CC2D2A: variants seen among roughly 807,000 people sequenced by gnomAD.
CC2D2A encodes the protein coiled-coil and C2 domain containing 2A.
A neutral mutation model predicts 212.9 loss-of-function variants in CC2D2A; 155 were observed. That is an observed-to-expected ratio of 0.73 (90% CI 0.64 to 0.83). The LOEUF is 0.83. CC2D2A is among the 40% of genes least tolerant of loss of function. The probability of loss-of-function intolerance (pLI) is 0.00; values close to 1 mark genes in which losing one functional copy is unlikely to be tolerated. For missense variants in CC2D2A, 1,856 were observed against 1,956.2 expected (o/e 0.95, Z 0.97); for synonymous variants, 667 against 686.5 (o/e 0.97, Z 0.44).
At chr4:15,492,582 C>T in intron 4 of CC2D2A, 1 of 385,958 alleles carries the variant, frequency 2.6e-6, no homozygotes, top group Non-Finnish European at 4.9e-6. Flanking sequence ...AGGCTCCTCC[C>T]TCTTCAGGGG....
intron 3 of CC2D2A, 61 bp from the exon 4 acceptor site, chr4:15,480,643 G>A (rs929154639): frequency 1.3e-6 from 2 of 1,548,876 alleles, no homozygotes; most frequent in Non-Finnish European, 8.7e-7. Context: ...ATCTTCCCAA[G>A]AGAGGAACAG....
chr4:15,576,928 T>C (rs1720440766), intron 29 of CC2D2A, among the ~76,000 whole-genome samples: 1 of 152,250 alleles, frequency 6.6e-6, no homozygotes, highest in South Asian at 2.1e-4. Flanking sequence ...GAGCTGCTTC[T>C]TACAGTGTAT....
At chr4:15,471,250 C>G (rs1316490823) in intron 1 of CC2D2A, among the ~76,000 whole-genome samples, 1 of 152,128 alleles carries the variant, frequency 6.6e-6, no homozygotes. Flanking sequence ...GAAGAAAATA[C>G]TCATGGGTAG....
intron 33 of CC2D2A, among the ~76,000 whole-genome samples, chr4:15,591,241 C>T (rs7684446): frequency 0.45 from 63,519 of 140,052 alleles, 14,199 homozygotes; most frequent in Middle Eastern, 0.58. Flanking sequence ...TTTTTTGAGA[C>T]GGACTTTCAC....
intron 17 of CC2D2A, among the ~76,000 whole-genome samples, chr4:15,546,607 C>T (rs149482723): frequency 1.3e-5 from 2 of 152,314 alleles, no homozygotes; most frequent in Non-Finnish European, 2.9e-5. Context: ...TCCTTGTTTA[C>T]CCTCGCCTAC....
intron 4 of CC2D2A, among the ~76,000 whole-genome samples, chr4:15,493,972 G>A (rs1443244863): frequency 2.0e-5 from 3 of 151,890 alleles, no homozygotes; most frequent in Non-Finnish European, 2.9e-5. Flanking sequence ...CATGAAGCTC[G>A]TTCTGAGACT....
chr4:15,546,735 A>G (rs1389528944), intron 17 of CC2D2A, among the ~76,000 whole-genome samples: 2 of 152,244 alleles, frequency 1.3e-5, no homozygotes, highest in Non-Finnish European at 2.9e-5. Context: ...TGCTGATCCC[A>G]GAAAGCCCTG....
chr4:15,565,915 AGT>A (rs1398887261), intron 24 of CC2D2A, among the ~76,000 whole-genome samples: 2 of 152,124 alleles, frequency 1.3e-5, no homozygotes, highest in African/African-American at 4.8e-5. Flanking sequence ...TCCAGCCACA[AGT>A]GTTTGTTTAA....
In CC2D2A at chr4:15,550,772, G is replaced by A. The variant is rs1718956410; in HGVS notation, c.2182-52G>A. The A allele has an allele frequency of 3.7e-6, 5 of 1,366,644 alleles. No individual in the cohort carries two copies. In the Admixed American group the frequency reaches 9.7e-5, roughly 26 times the overall value. 84.7% of individuals were successfully genotyped at this position (1,366,644 alleles called of 1,614,324 possible). A position where few individuals can be genotyped will look rare whatever the true frequency, so the allele number is the denominator to read the frequency against. Reference sequence around the variant, plus strand: ...CAACATGGACTGATTATCTGAGCGTGAGCACACACTACTGCTGTTTTTATT... The same window carrying A: ...CAACATGGACTGATTATCTGAGCGTAAGCACACACTACTGCTGTTTTTATT... On this transcript the variant is annotated intron_variant, in intron 17 of 36. Transcript: ENST00000424120.
intron 32 of CC2D2A, 44 bp downstream of exon 32, chr4:15,587,973 TAA>T (rs778726353): frequency 9.1e-7 from 1 of 1,101,706 alleles, no homozygotes; most frequent in Non-Finnish European, 1.4e-6. Context: ...TATAGTTGTC[TAA>T]TCGAGTTGTG....
chr4:15,496,603 T>C (rs1183455232), intron 4 of CC2D2A, among the ~76,000 whole-genome samples: 1 of 152,126 alleles, frequency 6.6e-6, no homozygotes, highest in Admixed American at 6.5e-5. Flanking sequence ...ATTCTATACC[T>C]AGAAAACCCA....
chr4:15,492,022 G>A (rs571821850), intron 4 of CC2D2A, among the ~76,000 whole-genome samples: 22 of 151,978 alleles, frequency 1.4e-4, no homozygotes, highest in Non-Finnish European at 2.9e-4. Context: ...TAGCTCTTAC[G>A]TTTCTCTAGA....
chr4:15,518,324 C>G (rs565483869), intron 11 of CC2D2A, among the ~76,000 whole-genome samples: 2 of 152,292 alleles, frequency 1.3e-5, no homozygotes, highest in South Asian at 2.1e-4. Flanking sequence ...GTCTCGCATT[C>G]CGGTCATGCT....
intron 4 of CC2D2A, among the ~76,000 whole-genome samples, chr4:15,492,131 C>T (rs4698390): frequency 0.14 from 21,297 of 152,174 alleles, 1,866 homozygotes; most frequent in East Asian, 0.32. Flanking sequence ...AGAGTCATCC[C>T]CACCCCATTA....
At chr4:15,492,852 G>T (rs1284598333) in intron 4 of CC2D2A, 3 of 592,474 alleles carry the variant, frequency 5.1e-6, no homozygotes, top group East Asian at 4.0e-5. Context: ...CATCGAAGGT[G>T]GAAGAGTGGG....
intron 32 of CC2D2A, among the ~76,000 whole-genome samples, chr4:15,589,155 G>A (rs1176420839): frequency 1.3e-5 from 2 of 151,670 alleles, no homozygotes; most frequent in Non-Finnish European, 2.9e-5. Context: ...TACTATATTA[G>A]AAATAGAAAT....
At chr4:15,511,977 C>A (rs1716591605) in intron 8 of CC2D2A, among the ~76,000 whole-genome samples, 3 of 152,200 alleles carry the variant, frequency 2.0e-5, no homozygotes, top group Admixed American at 2.0e-4. Flanking sequence ...AGATTCTTAA[C>A]ACCAATCATC....
chr4:15,538,455 G>C (rs1475533558), intron 16 of CC2D2A, among the ~76,000 whole-genome samples: 1 of 152,176 alleles, frequency 6.6e-6, no homozygotes, highest in Non-Finnish European at 1.5e-5. Context: ...TGTCTGTGTG[G>C]CTTTTGATTT....
chr4:15,600,833 G>A lies in CC2D2A; in HGVS notation c.4675-404G>A, dbSNP rs369919192. Among the ~76,000 whole-genome samples the A allele has an allele frequency of 2.1e-4, 32 of 150,434 alleles. No individual in the cohort carries two copies. In the South Asian group the frequency reaches 3.6e-3, roughly 17 times the overall value. ...GGGGGACCATTTGAGCCCAGCAGGA[G>A]GCCGAGGCTGCAGTGGTGAGCCATG... On this transcript the variant is annotated intron_variant, in intron 36 of 36. Transcript: ENST00000424120.
Sources: gnomAD v4.1 joint callset for allele counts (sites outside exome capture counted in the v4.1 genomes callset) on GRCh38, gnomAD v4.1.1 for gene constraint, MANE v1.5 for transcripts, NCBI Gene and HGNC (gene_info 2026-07-23, HGNC 2026-07-21) for gene names.